The following ESPN variants were observed in gnomAD, a reference collection of about 807,000 sequenced individuals.
The protein encoded by ESPN is espin.
In ESPN, 68 loss-of-function variants were observed where a neutral mutation model predicts 77.7. The observed-to-expected ratio is 0.87, with a 90% CI of 0.72 to 1.07. ESPN has a LOEUF of 1.07. Among genes scored for constraint, ESPN ranks in the 50% least tolerant of loss-of-function variants. The probability of loss-of-function intolerance (pLI) is 0.00; values close to 1 mark genes in which losing one functional copy is unlikely to be tolerated. For synonymous variants in ESPN, 449 were observed against 567.1 expected, an observed-to-expected ratio of 0.79 and a Z score of 2.96; for missense variants, 1,060 against 1,239.0, an observed-to-expected ratio of 0.86 and a Z score of 2.17.
rs372377904 is a variant in ESPN, at chr1:6,445,615, C to A, written c.1193-49C>A. 7 of 1,594,282 alleles carry A rather than the reference C, an allele frequency of 4.4e-6. No individual in the cohort carries two copies. In the East Asian group the frequency reaches 6.8e-5, roughly 15 times the overall value. ...GGTGGAGAGTCTCAGTCTTGGGGGA[C>A]AGCCTGTCTGCATGCTCCCAAATCT... is the stretch of plus-strand genomic sequence containing the variant. On this transcript the variant is annotated intron_variant, in intron 6 of 12. Transcript: ENST00000645284.
At chr1:6,458,506 G>A (rs1031639211) in intron 12 of ESPN, among the ~76,000 whole-genome samples, 85 of 149,976 alleles carry the variant, frequency 5.7e-4, no homozygotes, top group South Asian at 2.5e-3. Flanking sequence ...AGTAGAGGCC[G>A]GGTTTTGCCA....
In ESPN at chr1:6,460,166, G is replaced by A. The variant is rs753014653; in HGVS notation, c.*20G>A. ...TACTAGAGGCCGCAGACTCCTGTCC[G>A]CAGCCTCGCAGCTCCGTGGGGCCCT... is the stretch of plus-strand genomic sequence containing the variant. On this transcript the variant is annotated 3_prime_UTR_variant, in exon 13 of 13. Transcript: ENST00000645284. 4 of 1,605,376 alleles carry A rather than the reference G, an allele frequency of 2.5e-6. No individual in the cohort carries two copies. In the Admixed American group the frequency reaches 5.0e-5, roughly 20 times the overall value.
chr1:6,456,194 C>G (rs1042549778), intron 10 of ESPN: 1 of 397,786 alleles, frequency 2.5e-6, no homozygotes, highest in Non-Finnish European at 4.4e-6. Flanking sequence ...TGTTTGACAT[C>G]TGAGCAGCGG....
chr1:6,456,057 C>T (rs1644052259), intron 10 of ESPN: 1 of 396,496 alleles, frequency 2.5e-6, no homozygotes, highest in African/African-American at 2.1e-5. Flanking sequence ...CTCAGACTCT[C>T]CTGGTTCCGA....
At chr1:6,456,365 G>C in intron 10 of ESPN, 1 of 382,160 alleles carries the variant, frequency 2.6e-6, no homozygotes, top group Non-Finnish European at 4.6e-6. Flanking sequence ...AGGTCCCATC[G>C]TGGCGGGCTG....
At chr1:6,444,799 A>G (rs1643767942) in intron 6 of ESPN, 117 bp downstream of exon 6, 2 of 1,213,260 alleles carry the variant, frequency 1.6e-6, no homozygotes, top group South Asian at 2.5e-5. Flanking sequence ...TACCCTCATC[A>G]CTTGCTCTTA....
rs2311038 is a variant in ESPN, at chr1:6,447,875, G to T, written c.1465-766G>T. On this transcript the variant is annotated intron_variant, in intron 7 of 12. Transcript: ENST00000645284. The surrounding 1 kb of genome is among the most constrained non-coding windows in gnomAD (Gnocchi z 5.2). ...GCAGGGGGCGGGGTCACATCTGGCCGGGGACGGGTGCAGAGCCGCGGCCAG... is the reference window on the plus strand; with the variant it reads ...GCAGGGGGCGGGGTCACATCTGGCCTGGGACGGGTGCAGAGCCGCGGCCAG... Among the ~76,000 whole-genome samples the T allele has an allele frequency of 2.6e-5, 4 of 152,194 alleles. No homozygotes were observed. Among genetic ancestry groups the T allele is most frequent in the Admixed American group, 2.0e-4 (3 of 15,286 alleles).
At chr1:6,459,963 AC>A in intron 12 of ESPN, 35 bp from the exon 13 acceptor site, 2 of 1,612,464 alleles carry the variant, frequency 1.2e-6, no homozygotes, top group Non-Finnish European at 1.7e-6. Flanking sequence ...CTGGCCCCAG[AC>A]TTCACCGGGT....
chr1:6,458,251 G>T (rs1209683583), intron 12 of ESPN, among the ~76,000 whole-genome samples: 1 of 151,892 alleles, frequency 6.6e-6, no homozygotes, highest in Non-Finnish European at 1.5e-5. Flanking sequence ...CTCCTGACCT[G>T]AAGCGATCCA....
intron 5 of ESPN, among the ~76,000 whole-genome samples, chr1:6,441,994 C>T (rs1643654348): frequency 6.6e-6 from 1 of 152,208 alleles, no homozygotes; most frequent in South Asian, 2.1e-4. Context: ...GAATGAATGG[C>T]CCAGCAGGTA....
chr1:6,456,388 C>T, intron 10 of ESPN: 1 of 373,068 alleles, frequency 2.7e-6, no homozygotes, highest in Admixed American at 4.6e-5. Context: ...GGGCGTTGGT[C>T]GGATAGGCAG....
Position 6,440,624 on chromosome 1 carries a change from A to T in ESPN, c.676-2A>T. The T allele has an allele frequency of 1.2e-5, 9 of 735,794 alleles. No homozygotes were observed. The highest frequency in any genetic ancestry group is 6.6e-5 in the East Asian group (1 of 15,038). The allele number at this position is 735,794 out of a possible 1,614,324, so 45.6% of individuals were successfully genotyped here. On this transcript the variant is annotated splice_acceptor_variant, in intron 3 of 12. Transcript: ENST00000645284. LOFTEE classifies it high-confidence loss of function. ...CCCCCTCTCCCCGCCCGTCCCGCCC[A>T]GGTGAGCTGCACCGACGTGAGCCTG...
Position 6,460,329 on chromosome 1 carries a change from C to A in ESPN, c.*183C>A. 1.4e-6 allele frequency: 1 copy of A among 719,230 alleles called. No individual in the cohort carries two copies. Among genetic ancestry groups the A allele is most frequent in the South Asian group, 2.0e-5 (1 of 49,136 alleles). 44.6% of individuals were successfully genotyped at this position (719,230 alleles called of 1,614,324 possible). ...GCCCTTGGCAACACTGGAGTGCACA[C>A]GCCGCCACGGTTGCCCAGAAAAAGT... On this transcript the variant is annotated 3_prime_UTR_variant, in exon 13 of 13. Coordinates refer to ENST00000645284, the MANE Select transcript of ESPN (RefSeq NM_031475.3).
chr1:6,440,790 C>T lies in ESPN; in HGVS notation c.840C>T (p.Ala280=). ...LWGGTPLHDA[A]ENGELECCQI... ...GCGGGACCCCGCTGCACGACGCCGC[C>T]GAGAACGGGGAGCTAGAGGTCAGCG... The change falls in exon 4 of 13, where the codon GCC becomes GCT. Residue 280 remains alanine, a synonymous_variant. Transcript: ENST00000645284. The T allele has an allele frequency of 1.3e-6, 2 of 1,511,426 alleles. No individual in the cohort carries two copies. Among genetic ancestry groups the T allele is most frequent in the Non-Finnish European group, 1.8e-6 (2 of 1,138,552 alleles). 93.6% of individuals were successfully genotyped at this position (1,511,426 alleles called of 1,614,324 possible).
At chr1:6,438,199 A>T (rs1569631274) in intron 2 of ESPN, among the ~76,000 whole-genome samples, 1 of 152,196 alleles carries the variant, frequency 6.6e-6, no homozygotes, top group Admixed American at 6.5e-5. Flanking sequence ...TTGTGGCTCC[A>T]CCTAGTGTCC....
At chr1:6,457,034 G>A (rs577709924) in intron 10 of ESPN, 150 bp from the exon 11 acceptor site, 3 of 783,894 alleles carry the variant, frequency 3.8e-6, no homozygotes, top group African/African-American at 3.4e-5. Context: ...GCTCTGAGGG[G>A]GTGTGACCAG....
intron 7 of ESPN, 107 bp from the exon 8 acceptor site, chr1:6,448,534 A>T: frequency 2.0e-6 from 2 of 1,007,560 alleles, no homozygotes; most frequent in Non-Finnish European, 2.8e-6. Flanking sequence ...GCACCCCTCG[A>T]CGGCCGCTGG....
At position 6,460,793 on chromosome 1, in the gene ESPN, T is replaced by C. The variant is rs1426420133; in HGVS notation, c.*647T>C. 9.8e-6 allele frequency: 2 copies of C among 203,470 alleles called. No individual in the cohort carries two copies. Among genetic ancestry groups the C allele is most frequent in the Non-Finnish European group, 2.0e-5 (2 of 99,146 alleles). The allele number at this position is 203,470 out of a possible 1,614,324, so 12.6% of individuals were successfully genotyped here. A position where few individuals can be genotyped will look rare whatever the true frequency, so the allele number is the denominator to read the frequency against. Reference sequence around the variant, plus strand: ...GCGCCCCGTCCCCAGCCAGACCCACTCGCTGCCGGGACCCTTTCACTGCCC... The same window carrying C: ...GCGCCCCGTCCCCAGCCAGACCCACCCGCTGCCGGGACCCTTTCACTGCCC... On this transcript the variant is annotated 3_prime_UTR_variant, in exon 13 of 13. Transcript: ENST00000645284.
rs575333249 is a variant in ESPN, at chr1:6,429,023, T to C, written c.488+604T>C. 2.0e-4 allele frequency among the ~76,000 whole-genome samples: 26 copies of C among 128,984 alleles called. No individual in the cohort carries two copies. The East Asian group carries it at 6.3e-3, about 31-fold the overall frequency. 84.6% of individuals were successfully genotyped at this position (128,984 alleles called of 152,430 possible). A position where few individuals can be genotyped will look rare whatever the true frequency, so the allele number is the denominator to read the frequency against. On this transcript the variant is annotated intron_variant, in intron 2 of 12. Transcript: ENST00000645284. The stretch of plus-strand genomic sequence containing the variant: ...GGAAGCATGGGGATCCCAAACCTCC[T>C]GGGGAGTGGGCTGGGAGCTCCCCTG...
Sources: allele counts gnomAD v4.1 joint callset (sites outside exome capture counted in the v4.1 genomes callset), GRCh38; gene constraint gnomAD v4.1.1; non-coding constraint Gnocchi (gnomAD v3.1); transcripts MANE v1.5; gene names NCBI Gene and HGNC (gene_info 2026-07-23, HGNC 2026-07-21).